Variants in RNF135 observed in about 807,000 individuals in gnomAD.
RNF135 encodes the protein ring finger protein 135.
Under a neutral mutation model 41.9 loss-of-function variants are expected in RNF135, and 46 were observed. The ratio of observed to expected loss-of-function variants is 1.10; its 90% CI spans 0.87 to 1.40. The LOEUF (loss-of-function observed/expected upper bound fraction) is 1.40, where lower values mean the gene tolerates loss of function less well. Among genes scored for constraint, RNF135 ranks in the 40% most tolerant of loss-of-function variants. RNF135 has a pLI of 0.00. For synonymous variants in RNF135, 238 were observed against 223.8 expected (o/e 1.06, Z -0.57); for missense variants, 539 against 549.8 (o/e 0.98, Z 0.20).
At chr17:30,971,807 G>T in intron 1 of RNF135, 8 of 827,970 alleles carry the variant, frequency 9.7e-6, no homozygotes, top group South Asian at 3.4e-5. Context: ...TCTTTGAGAC[G>T]GAGTCTCGCT....
At chr17:30,969,879 C>G (rs1435645298), upstream of RNF135, among the ~76,000 whole-genome samples, 1 of 151,860 alleles carries the variant, frequency 6.6e-6, no homozygotes, top group Non-Finnish European at 1.5e-5. Context: ...ATTCTCCTGC[C>G]TCAGCCTCCC....
At position 30,971,211 on chromosome 17, in the gene RNF135, G is replaced by C; in HGVS notation, c.138G>C (p.Glu46Asp). Residue 46 changes from glutamate (E) to aspartate (D), a missense_variant, in exon 1 of 5, where the codon GAG (glutamate) becomes GAC (aspartate). Physicochemically the swap from Glu to Asp is conservative, Grantham distance 45 (BLOSUM62 2). Transcript: ENST00000328381. ...ACAGCTTCTGCCGCCACTGCCTGGA[G>C]GCCCTGTGGGGCGCCCGCGACGCCC... ...CGHSFCRHCL[E>D]ALWGARDARR... 6.6e-7 allele frequency: 1 copy of C among 1,513,726 alleles called. No individual in the cohort carries two copies. Among genetic ancestry groups the C allele is most frequent in the Non-Finnish European group, 8.8e-7 (1 of 1,138,214 alleles). The allele number at this position is 1,513,726 out of a possible 1,614,324, so 93.8% of individuals were successfully genotyped here. A position where few individuals can be genotyped will look rare whatever the true frequency, so the allele number is the denominator to read the frequency against.
At chr17:30,970,932 G>A (rs1014979578), upstream of RNF135, 244 of 1,178,536 alleles carry the variant, frequency 2.1e-4, no homozygotes, top group Non-Finnish European at 1.5e-4. Flanking sequence ...TCGGAGGAAG[G>A]AGACGGGGTG....
intron 1 of RNF135, among the ~76,000 whole-genome samples, chr17:30,978,406 G>A (rs1456884013): frequency 6.6e-6 from 1 of 151,824 alleles, no homozygotes; most frequent in Non-Finnish European, 1.5e-5. Flanking sequence ...GATCTTGTAG[G>A]CATGCTTCAT....
At chr17:30,966,580 T>C (rs1023578163), upstream of RNF135, among the ~76,000 whole-genome samples, 7 of 151,704 alleles carry the variant, frequency 4.6e-5, no homozygotes, top group Admixed American at 1.3e-4. Context: ...CTGCAGGCTC[T>C]GCCTCCCAGG....
At chr17:30,989,984 CAA>C (rs10627734) in intron 3 of RNF135, among the ~76,000 whole-genome samples, 8 of 55,314 alleles carry the variant, frequency 1.4e-4, no homozygotes, top group African/African-American at 5.1e-5. Context: ...AACTCTGTCT[CAA>C]AAAAAAAAAA....
intron 3 of RNF135, among the ~76,000 whole-genome samples, chr17:30,996,964 A>G (rs1908390713): frequency 6.6e-6 from 1 of 152,150 alleles, no homozygotes; most frequent in Admixed American, 6.5e-5. Flanking sequence ...TGGGACTGGC[A>G]TGGGGCTTGG....
chr17:30,983,807 G>A (rs1231474360), intron 1 of RNF135, among the ~76,000 whole-genome samples: 2 of 151,764 alleles, frequency 1.3e-5, no homozygotes, highest in South Asian at 4.1e-4. Flanking sequence ...TGAGTGTGAG[G>A]TGGTATCTCA....
chr17:30,973,440 A>T (rs559811220), intron 1 of RNF135: 2 of 150,690 alleles, frequency 1.3e-5, no homozygotes, highest in South Asian at 4.2e-4. Context: ...ATCTCAGTTC[A>T]TGAAGATTTA....
chr17:30,979,770 C>T (rs1250474697), intron 1 of RNF135, among the ~76,000 whole-genome samples: 3 of 133,580 alleles, frequency 2.2e-5, no homozygotes, highest in Non-Finnish European at 5.0e-5. Flanking sequence ...GCTGACCCCC[C>T]TCCCCCCTCC....
At chr17:30,968,146 G>C (rs1242743611), upstream of RNF135, among the ~76,000 whole-genome samples, 5 of 151,366 alleles carry the variant, frequency 3.3e-5, no homozygotes, top group African/African-American at 1.2e-4. Flanking sequence ...AAATTAGCCG[G>C]GCATGGTGGC....
At chr17:30,993,320 C>CT (rs1168847519) in intron 3 of RNF135, among the ~76,000 whole-genome samples, 1 of 152,138 alleles carries the variant, frequency 6.6e-6, no homozygotes, top group Non-Finnish European at 1.5e-5. Context: ...CTTTGCCTGC[C>CT]TTGGCATCCC....
At position 30,998,998 on chromosome 17, in the gene RNF135, G is replaced by A. The variant is rs753765743; in HGVS notation, c.1106G>A (p.Gly369Asp). Residue 369 changes from glycine to aspartate, a missense_variant, in exon 5 of 5, where the codon GGC (glycine) becomes GAC (aspartate). Gly to Asp is a moderately conservative substitution (Grantham distance 94). Transcript: ENST00000328381. ...CACATGGTCAAGGAAACTGTCCTTG[G>A]CTCAGACAGACCTGGGGTGGTGGGC... ...AWHMVKETVL[G>D]SDRPGVVGIW... 14 of 1,614,044 alleles carry A rather than the reference G, an allele frequency of 8.7e-6. No homozygotes were observed. Among genetic ancestry groups the A allele is most frequent in the Non-Finnish European group, 1.2e-5 (14 of 1,180,040 alleles).
At chr17:30,971,695 A>G (rs1905967961) in intron 1 of RNF135, 6 of 1,326,536 alleles carry the variant, frequency 4.5e-6, no homozygotes, top group Middle Eastern at 2.8e-4. Flanking sequence ...GCATATTTCA[A>G]CTTCTTCCCA....
chr17:30,967,757 A>G (rs147771184), upstream of RNF135, among the ~76,000 whole-genome samples: 789 of 151,158 alleles, frequency 5.2e-3, 11 homozygotes, highest in African/African-American at 0.019. Context: ...GCTGGAGTGC[A>G]ATGGTGCCAT....
chr17:30,995,366 C>T (rs1020045638), intron 3 of RNF135, among the ~76,000 whole-genome samples: 1 of 150,822 alleles, frequency 6.6e-6, no homozygotes, highest in Non-Finnish European at 1.5e-5. Context: ...CCAGCCTGGG[C>T]GACAGAGCGA....
the RNF135 span, among the ~76,000 whole-genome samples, chr17:30,960,323 C>T: frequency 4.0e-5 from 6 of 151,012 alleles, no homozygotes; most frequent in Admixed American, 6.6e-5. Flanking sequence ...ACCCGGCAGG[C>T]GGAGGTTGCA....
At chr17:30,975,814 C>G in intron 1 of RNF135, 3 of 990,706 alleles carry the variant, frequency 3.0e-6, no homozygotes, top group Non-Finnish European at 4.9e-6. Flanking sequence ...CTGCAGATGA[C>G]TTCGTTGGCC....
rs73267771 is a variant in RNF135, at chr17:30,983,976, A to G, written c.373-641A>G. On this transcript the variant is annotated intron_variant, in intron 1 of 4. Transcript: ENST00000328381. The stretch of plus-strand genomic sequence containing the variant: ...TTGTGGGTTTTTGCTTGTTTGTTTT[A>G]CCAACCAAACAAGCGGCAGTGATAT... Among the ~76,000 whole-genome samples the G allele has an allele frequency of 3.3e-3, 503 of 152,052 alleles. 2 individuals carry two copies. The highest frequency in any genetic ancestry group is 0.012 in the African/African-American group (477 of 41,464).
Sources: allele counts gnomAD v4.1 joint callset (sites outside exome capture counted in the v4.1 genomes callset), GRCh38; gene constraint gnomAD v4.1.1; transcripts MANE v1.5; gene names NCBI Gene and HGNC (gene_info 2026-07-23, HGNC 2026-07-21).